The following IMMP2L variants were observed in gnomAD, a reference collection of about 807,000 sequenced individuals.
IMMP2L encodes the protein mitochondrial inner membrane protease subunit 2.
A neutral mutation model predicts 19.3 loss-of-function variants in IMMP2L; 18 were observed. The ratio of observed to expected loss-of-function variants is 0.93; its 90% confidence interval spans 0.64 to 1.38. The LOEUF is 1.38. Ranked by LOEUF, IMMP2L falls within the 40% of genes most tolerant of loss-of-function variation. IMMP2L has a pLI of 0.00. For synonymous variants in IMMP2L, 76 were observed against 73.0 expected, an observed-to-expected ratio of 1.04 and a Z score of -0.21; for missense variants, 233 against 218.2, an observed-to-expected ratio of 1.07 and a Z score of -0.43.
At chr7:110,701,278 C>A (rs553786219) in intron 5 of IMMP2L, among the ~76,000 whole-genome samples, 2 of 152,126 alleles carry the variant, frequency 1.3e-5, no homozygotes, top group African/African-American at 4.8e-5. Flanking sequence ...GCATTTACTG[C>A]CCCTAATAGC....
At chr7:110,719,183 A>G (rs984827157) in intron 5 of IMMP2L, among the ~76,000 whole-genome samples, 2 of 152,220 alleles carry the variant, frequency 1.3e-5, no homozygotes, top group Non-Finnish European at 2.9e-5. Flanking sequence ...TGGACTGAAC[A>G]TGAGTGAAAA....
In IMMP2L at chr7:110,669,100, T is replaced by G. The variant is rs560609844; in HGVS notation, c.409-5379A>C. On this transcript the variant is annotated intron_variant, in intron 5 of 5. Transcript: ENST00000405709. ...GTGTGTGTGTGTGTGTATATGTATA[T>G]ATATATATAGAGAGAGAGAGAGAGA... is the stretch of plus-strand genomic sequence containing the variant. Among the ~76,000 whole-genome samples, 535 of 127,638 alleles carry G rather than the reference T, an allele frequency of 4.2e-3. 4 individuals are homozygous for G. Among genetic ancestry groups the G allele is most frequent in the African/African-American group, 0.02 (489 of 24,142 alleles). 83.7% of individuals were successfully genotyped at this position (127,638 alleles called of 152,430 possible).
intron 5 of IMMP2L, among the ~76,000 whole-genome samples, chr7:110,763,331 A>C (rs1554410227): frequency 1.3e-5 from 2 of 152,118 alleles, no homozygotes; most frequent in Non-Finnish European, 2.9e-5. Flanking sequence ...CCCTGACGAC[A>C]CACTTTCCGG....
At chr7:110,746,162 A>C (rs962116557) in intron 5 of IMMP2L, among the ~76,000 whole-genome samples, 5 of 152,274 alleles carry the variant, frequency 3.3e-5, no homozygotes, top group African/African-American at 9.6e-5. Flanking sequence ...ACAAAGAAGG[A>C]CATTACATAA....
At chr7:111,337,144 C>G (rs780132497) in intron 3 of IMMP2L, among the ~76,000 whole-genome samples, 3 of 151,882 alleles carry the variant, frequency 2.0e-5, no homozygotes, top group Non-Finnish European at 4.4e-5. Context: ...GATAAAAAAT[C>G]TATCTAATGC....
intron 1 of IMMP2L, among the ~76,000 whole-genome samples, chr7:111,526,686 T>G (rs1846894616): frequency 6.6e-6 from 1 of 152,194 alleles, no homozygotes. Flanking sequence ...ATGTTGTTTA[T>G]GTAGCCAGTG....
intron 4 of IMMP2L, among the ~76,000 whole-genome samples, chr7:110,944,522 T>C (rs549687653): frequency 6.6e-6 from 1 of 152,012 alleles, no homozygotes; most frequent in Non-Finnish European, 1.5e-5. Flanking sequence ...AGAGAGAGAA[T>C]GAGAATGTAG....
chr7:111,124,298 T>C (rs974671053), intron 3 of IMMP2L: 3 of 1,613,944 alleles, frequency 1.9e-6, no homozygotes, highest in African/African-American at 2.7e-5. Context: ...TTGAAGTCTG[T>C]TATGATCAAA....
At chr7:110,936,607 G>A (rs1224208183) in intron 4 of IMMP2L, among the ~76,000 whole-genome samples, 1 of 152,196 alleles carries the variant, frequency 6.6e-6, no homozygotes, top group Non-Finnish European at 1.5e-5. Context: ...TGGTGGGAGT[G>A]TAAATTAGTT....
In IMMP2L at chr7:110,728,305, C is replaced by T. The variant is rs1166102902; in HGVS notation, c.409-64584G>A. Among the ~76,000 whole-genome samples the T allele has an allele frequency of 6.6e-6, 1 of 152,014 alleles. No individual in the cohort carries two copies. Among genetic ancestry groups the T allele is most frequent in the African/African-American group, 2.4e-5 (1 of 41,372 alleles). On this transcript the variant is annotated intron_variant, in intron 5 of 5. Transcript: ENST00000405709. This position sits in a 1 kb window ranked among gnomAD's most constrained non-coding sequence, Gnocchi z 4.6. ...CTTGAGCTCAGGAGTTTGAAACCAGCCTGGGCAACATGGCAAAACCCTGTA... is the reference window on the plus strand; with the variant it reads ...CTTGAGCTCAGGAGTTTGAAACCAGTCTGGGCAACATGGCAAAACCCTGTA...
intron 1 of IMMP2L, among the ~76,000 whole-genome samples, chr7:111,559,141 T>A (rs530991706): frequency 1.3e-5 from 2 of 152,178 alleles, no homozygotes; most frequent in Admixed American, 1.3e-4. Flanking sequence ...GCAGTACAGT[T>A]AATATGCCTA....
At chr7:111,284,468 T>C (rs540237278) in intron 3 of IMMP2L, among the ~76,000 whole-genome samples, 6 of 151,026 alleles carry the variant, frequency 4.0e-5, no homozygotes, top group Non-Finnish European at 5.9e-5. Flanking sequence ...AAAAAAAAAA[T>C]GTATTTAGTT....
At chr7:110,908,597 G>A (rs1812721666) in intron 4 of IMMP2L, among the ~76,000 whole-genome samples, 1 of 152,158 alleles carries the variant, frequency 6.6e-6, no homozygotes, top group South Asian at 2.1e-4. Flanking sequence ...TTAAAGAACT[G>A]TCTCTACTGT....
chr7:110,878,353 A>AT (rs1809287607), intron 5 of IMMP2L, among the ~76,000 whole-genome samples: 1 of 152,168 alleles, frequency 6.6e-6, no homozygotes, highest in Admixed American at 6.6e-5. Flanking sequence ...TCATAAAAAT[A>AT]TGTAATAAAA....
chr7:111,383,082 A>G (rs1831364130), intron 3 of IMMP2L, among the ~76,000 whole-genome samples: 1 of 152,062 alleles, frequency 6.6e-6, no homozygotes, highest in Admixed American at 6.6e-5. Flanking sequence ...GAGGAAGAAA[A>G]TGTAGACTAG....
intron 4 of IMMP2L, among the ~76,000 whole-genome samples, chr7:110,947,566 G>A (rs2129553707): frequency 6.6e-6 from 1 of 152,114 alleles, no homozygotes; most frequent in South Asian, 2.1e-4. Context: ...CATATTCCAG[G>A]GTTTTGTAAA....
intron 3 of IMMP2L, among the ~76,000 whole-genome samples, chr7:111,423,087 A>G (rs959849452): frequency 6.6e-6 from 1 of 151,818 alleles, no homozygotes; most frequent in Non-Finnish European, 1.5e-5. Context: ...CATGGTGGAT[A>G]AGCTTCTTGA....
At chr7:111,137,618 T>C (rs1802475519) in intron 3 of IMMP2L, among the ~76,000 whole-genome samples, 1 of 152,182 alleles carries the variant, frequency 6.6e-6, no homozygotes, top group South Asian at 2.1e-4. Context: ...ATAAAAATAT[T>C]AAATTACTAC....
At chr7:111,050,096 G>A (rs1309813886) in intron 3 of IMMP2L, among the ~76,000 whole-genome samples, 1 of 152,182 alleles carries the variant, frequency 6.6e-6, no homozygotes, top group Non-Finnish European at 1.5e-5. Flanking sequence ...AATAGTGCTA[G>A]TAAAGTAAAA....
Sources: gnomAD v4.1 joint callset for allele counts (sites outside exome capture counted in the v4.1 genomes callset) on GRCh38, gnomAD v4.1.1 for gene constraint, Gnocchi (gnomAD v3.1) non-coding constraint, MANE v1.5 for transcripts, NCBI Gene and HGNC (gene_info 2026-07-23, HGNC 2026-07-21) for gene names.